CTC1: variants seen among roughly 807,000 people sequenced by gnomAD.
CTC1 encodes CST telomere replication complex component 1, also known as CST complex subunit CTC1.
Under a neutral mutation model 136.3 loss-of-function variants are expected in CTC1, and 91 were observed. That is an observed-to-expected ratio of 0.67 (90% confidence interval 0.56 to 0.79). CTC1 has a LOEUF of 0.79. Ranked by LOEUF, CTC1 falls within the 30% of genes least tolerant of loss-of-function variation. The pLI, the probability that CTC1 is intolerant of heterozygous loss-of-function variation, is 0.00. For missense variants in CTC1, 1,432 were observed against 1,498.1 expected, an observed-to-expected ratio of 0.96 and a Z score of 0.73; for synonymous variants, 606 against 613.8, an observed-to-expected ratio of 0.99 and a Z score of 0.19.
Position 8,235,252 on chromosome 17 carries a change from C to A in CTC1, c.1240G>T (p.Gly414Trp), listed in dbSNP as rs375293707. 5.6e-6 allele frequency: 9 copies of A among 1,613,904 alleles called. No homozygotes were observed. The African/African-American group carries it at 1.1e-4, about 19-fold the overall frequency. Residue 414 changes from glycine (G) to tryptophan (W), a missense_variant, in exon 8 of 23, where the codon GGG becomes TGG. By Grantham distance (184) the Gly-to-Trp change is radical. Coordinates refer to ENST00000651323, the MANE Select transcript of CTC1 (RefSeq NM_025099.6). ...QDVHLLQSVG[G>W]GTRRPVLAPC... is the part of the protein sequence containing the mutation. ...GCGAGCACTGGCCTTCTTGTCCCCC[C>A]TCCCACTGACTGGAGCAGGTGAACA...
Position 8,248,017 on chromosome 17 carries a change from T to G in CTC1, c.20A>C (p.Gln7Pro). ...AGCAGCACTCACGGAGGAAGGGACC[T>G]GGGCCCGGCCAGCCGCCATGATGCG... MAAGRA[Q>P]VPSSEQAWLE... Residue 7 changes from glutamine (Q) to proline (P), a missense_variant, in exon 1 of 23, where the codon CAG becomes CCG. Physicochemically the swap from Gln to Pro is moderately conservative, Grantham distance 76. Coordinates refer to ENST00000651323, the MANE Select transcript of CTC1 (RefSeq NM_025099.6). 9 of 1,356,968 alleles carry G rather than the reference T, an allele frequency of 6.6e-6. No individual in the cohort carries two copies. Among genetic ancestry groups the G allele is most frequent in the South Asian group, 1.1e-5 (1 of 87,386 alleles). 84.1% of individuals were successfully genotyped at this position (1,356,968 alleles called of 1,614,324 possible).
chr17:8,243,215 A>G (rs1988422788), intron 1 of CTC1, 67 bp from the exon 2 acceptor site: 5 of 1,470,088 alleles, frequency 3.4e-6, no homozygotes, highest in Non-Finnish European at 4.6e-6. Context: ...TGGGAAGAAT[A>G]AAGGACTAGA....
chr17:8,232,764 T>A, intron 11 of CTC1, 142 bp downstream of exon 11: 2 of 1,132,910 alleles, frequency 1.8e-6, no homozygotes, highest in Non-Finnish European at 2.6e-6. Flanking sequence ...CTGCCTGCCA[T>A]ACAAGTCTCC....
At chr17:8,241,754 G>A (rs1236260267) in intron 2 of CTC1, among the ~76,000 whole-genome samples, 2 of 150,832 alleles carry the variant, frequency 1.3e-5, no homozygotes, top group African/African-American at 2.4e-5. Flanking sequence ...GTGGGAGGCT[G>A]AGGCAGGAGA....
rs751436157 is a variant in CTC1, at chr17:8,230,446, CCTT to C, written c.2778_2780del (p.Arg927del). 1 of 1,614,012 alleles carries C rather than the reference CCTT, an allele frequency of 6.2e-7. No individual in the cohort carries two copies. The highest frequency in any genetic ancestry group is 2.2e-5 in the East Asian group (1 of 44,878). ...CAAGAGCGACTGTTAGCTTCACACA[CCTT>C]CTCATGGCCCCCGTGTTCCCTATAG... On this transcript the variant is annotated inframe_deletion, in exon 17 of 23. Coordinates refer to ENST00000651323, the MANE Select transcript of CTC1 (RefSeq NM_025099.6).
At chr17:8,245,136 C>T in intron 1 of CTC1, among the ~76,000 whole-genome samples, 1 of 152,100 alleles carries the variant, frequency 6.6e-6, no homozygotes, top group East Asian at 1.9e-4. Flanking sequence ...ATAACAGACA[C>T]TGGGTCCTAC....
At position 8,226,378 on chromosome 17, in the gene CTC1, T is replaced by C. The variant is rs1279136082; in HGVS notation, c.*1802A>G. ...AGCTAGGAACCCGGACCGAGCTTTT[T>C]CAGATCTTTCTAGAACTAATTTGGT... On this transcript the variant is annotated 3_prime_UTR_variant, in exon 23 of 23. Coordinates refer to ENST00000651323, the MANE Select transcript of CTC1 (RefSeq NM_025099.6). 2 of 152,208 alleles carry C rather than the reference T, an allele frequency of 1.3e-5. No individual in the cohort carries two copies. Among genetic ancestry groups the C allele is most frequent in the Non-Finnish European group, 2.9e-5 (2 of 68,044 alleles). 9.4% of individuals were successfully genotyped at this position (152,208 alleles called of 1,614,324 possible).
At chr17:8,231,219 T>C (rs1987191679) in intron 15 of CTC1, 57 bp downstream of exon 15, 16 of 1,357,366 alleles carry the variant, frequency 1.2e-5, no homozygotes, top group Non-Finnish European at 8.9e-6. Context: ...CAAACCCAGC[T>C]AGCTTGGGAG....
chr17:8,231,356 T>C lies in CTC1; in HGVS notation c.2589A>G (p.Glu863=). 2.5e-6 allele frequency: 4 copies of C among 1,611,760 alleles called. No homozygotes were observed. The change falls in exon 15 of 23, where the codon GAA becomes GAG. Residue 863 remains glutamate, a synonymous_variant. Coordinates refer to ENST00000651323, the MANE Select transcript of CTC1 (RefSeq NM_025099.6). ...GCACATCTTGGATATCCTGGGAGCT[T>C]TCAAGCTCCAGAGTCCAGTTGTCCT... The part of the protein sequence containing the change: ...TVQDNWTLEL[E]SSQDIQDVLD...
chr17:8,237,472 C>T lies in CTC1; in HGVS notation c.695G>A (p.Arg232Gln), dbSNP rs201592575. The change falls in exon 5 of 23, where the codon CGA (arginine) becomes CAA (glutamine). Residue 232 changes from arginine (R) to glutamine (Q), a missense_variant. By Grantham distance (43) the Arg-to-Gln change is conservative (BLOSUM62 1). Coordinates refer to ENST00000651323, the MANE Select transcript of CTC1 (RefSeq NM_025099.6). ...TTTACTTTTCACCAGAGCACTCAAT[C>T]GAACTAGACTCCCAGCCAGGTTTCG... is the stretch of plus-strand genomic sequence containing the variant. ...VQRNLAGSLVRLSALVKSKQK... is the reference protein window; with the variant it reads ...VQRNLAGSLVQLSALVKSKQK... The T allele has an allele frequency of 1.8e-3, 2,855 of 1,613,824 alleles. 45 individuals carry two copies. The South Asian group carries it at 0.029, about 16-fold the overall frequency.
Position 8,227,123 on chromosome 17 carries a change from CATAA to C in CTC1, c.*1053_*1056del, listed in dbSNP as rs1986792025. The C allele has an allele frequency of 6.6e-6, 1 of 152,178 alleles. No individual in the cohort carries two copies. Among genetic ancestry groups the C allele is most frequent in the Admixed American group, 6.5e-5 (1 of 15,278 alleles). The allele number at this position is 152,178 out of a possible 1,614,324, so 9.4% of individuals were successfully genotyped here. A position where few individuals can be genotyped will look rare whatever the true frequency, so the allele number is the denominator to read the frequency against. ...TAGGGTATTGCTACCATAAAAGCAG[CATAA>C]ATCCCAACATATGGGTTTAACCACG... On this transcript the variant is annotated 3_prime_UTR_variant, in exon 23 of 23. Transcript: ENST00000651323.
chr17:8,246,649 G>C (rs1346689068), intron 1 of CTC1, among the ~76,000 whole-genome samples: 1 of 152,090 alleles, frequency 6.6e-6, no homozygotes, highest in Non-Finnish European at 1.5e-5. Flanking sequence ...CAGTTTCGGA[G>C]GCCAAGGCGG....
In CTC1 at chr17:8,238,025, A is replaced by G; in HGVS notation, c.647+6T>C. 1 of 1,609,868 alleles carries G rather than the reference A, an allele frequency of 6.2e-7. No individual in the cohort carries two copies. Among genetic ancestry groups the G allele is most frequent in the Non-Finnish European group, 8.5e-7 (1 of 1,176,724 alleles). On this transcript the variant is annotated splice_donor_region_variant and intron_variant, in intron 4 of 22. Coordinates refer to ENST00000651323, the MANE Select transcript of CTC1 (RefSeq NM_025099.6). Reference sequence around the variant, plus strand: ...CGCCCCTGCCATGCCTAGAGGGGGAAATTACCTGAGCCTGAGCAGGCAGGA... The same window carrying G: ...CGCCCCTGCCATGCCTAGAGGGGGAGATTACCTGAGCCTGAGCAGGCAGGA...
rs940461204 is a variant in CTC1, at chr17:8,234,455, C to A, written c.1818G>T (p.Gln606His). 6.4e-7 allele frequency: 1 copy of A among 1,551,872 alleles called. No homozygotes were observed. The highest frequency in any genetic ancestry group is 8.7e-7 in the Non-Finnish European group (1 of 1,147,006). ...TGAGCCCTGCTAGGGTCCCCCTTAC[C>A]TGGGCTGGGCAGAAGGCAGAGGGCA... ...CLLPSAFCPA[Q>H]VLLGVLVASS... The change falls in exon 10 of 23, where the codon CAG (glutamine) becomes CAT (histidine). Residue 606 changes from glutamine (Q) to histidine (H), a missense_variant and splice_region_variant. Transcript: ENST00000651323.
intron 10 of CTC1, chr17:8,233,281 C>G: frequency 2.2e-6 from 1 of 453,336 alleles, no homozygotes; most frequent in Non-Finnish European, 4.0e-6. Context: ...CGGGATCTCA[C>G]AGGACACAAT....
chr17:8,240,803 G>A (rs752636870), intron 2 of CTC1, among the ~76,000 whole-genome samples: 4 of 152,154 alleles, frequency 2.6e-5, no homozygotes, highest in Non-Finnish European at 4.4e-5. Context: ...TTGAATCTGG[G>A]AGGCGGAGGT....
intron 2 of CTC1, among the ~76,000 whole-genome samples, chr17:8,241,007 G>A (rs1395013958): frequency 6.6e-6 from 1 of 151,796 alleles, no homozygotes; most frequent in African/African-American, 2.4e-5. Flanking sequence ...ATACACTATG[G>A]GCCGGGCGCG....
intron 15 of CTC1, chr17:8,230,904 A>G: frequency 1.9e-6 from 1 of 523,342 alleles, no homozygotes; most frequent in East Asian, 3.3e-5. Flanking sequence ...TGGGAGGCTG[A>G]GGTGGGAGGC....
At position 8,234,614 on chromosome 17, in the gene CTC1, G is replaced by C; in HGVS notation, c.1659C>G (p.Ala553=). Residue 553 remains alanine (A), a synonymous_variant, in exon 10 of 23, where the codon GCC becomes GCG. Coordinates refer to ENST00000651323, the MANE Select transcript of CTC1 (RefSeq NM_025099.6). The part of the protein sequence containing the change: ...LQTPSSFPTL[A]TLKEEGQRKA... ...TACGCTGTCCTTCTTCTTTCAGGGT[G>C]GCCAGAGTGGGGAAGGAGGAGGGAG... 6.2e-7 allele frequency: 1 copy of C among 1,612,994 alleles called. No individual in the cohort carries two copies. The highest frequency in any genetic ancestry group is 8.5e-7 in the Non-Finnish European group (1 of 1,179,454).
Sources: allele counts gnomAD v4.1 joint callset (sites outside exome capture counted in the v4.1 genomes callset), GRCh38; gene constraint gnomAD v4.1.1; transcripts MANE v1.5; gene names NCBI Gene and HGNC (gene_info 2026-07-23, HGNC 2026-07-21).